The following CEP70 variants were observed in gnomAD, a reference collection of about 807,000 sequenced individuals.
CEP70 encodes the protein centrosomal protein of 70 kDa.
CEP70 carries 70 observed loss-of-function variants against 90.9 expected under a neutral mutation model. The ratio of observed to expected loss-of-function variants is 0.77; its 90% CI spans 0.64 to 0.94. The LOEUF (loss-of-function observed/expected upper bound fraction) is 0.94, where lower values mean the gene tolerates loss of function less well. Ranked by LOEUF, CEP70 falls within the 40% of genes least tolerant of loss-of-function variation. The pLI is 0.00. For missense variants in CEP70, 648 were observed against 669.0 expected, an observed-to-expected ratio of 0.97 and a Z score of 0.35; for synonymous variants, 220 against 228.3, an observed-to-expected ratio of 0.96 and a Z score of 0.33.
At position 138,571,365 on chromosome 3, in the gene CEP70, A is replaced by T; in HGVS notation, c.70-9T>A. The T allele has an allele frequency of 6.4e-7, 1 of 1,560,110 alleles. No homozygotes were observed. The highest frequency in any genetic ancestry group is 8.8e-7 in the Non-Finnish European group (1 of 1,135,392). ...CATTCTGCTTCTTCCTGCTACAATT[A>T]CAGAAAGAGAAGAAAGGGTTAACTT... On this transcript the variant is annotated splice_polypyrimidine_tract_variant and intron_variant, in intron 3 of 17. Coordinates refer to ENST00000264982, the MANE Select transcript of CEP70 (RefSeq NM_024491.4).
At chr3:138,515,886 T>C (rs2035970088) in intron 11 of CEP70, among the ~76,000 whole-genome samples, 3 of 152,144 alleles carry the variant, frequency 2.0e-5, no homozygotes, top group Admixed American at 6.5e-5. Flanking sequence ...CCTATCTCAT[T>C]AGTGGCACTG....
intron 17 of CEP70, chr3:138,496,030 C>A (rs1163733885): frequency 1.0e-6 from 1 of 985,230 alleles, no homozygotes; most frequent in Non-Finnish European, 1.2e-6. Flanking sequence ...TTATTCCAAC[C>A]AGCCTAAGTT....
intron 7 of CEP70, among the ~76,000 whole-genome samples, chr3:138,536,034 TTTTAC>T (rs1330359902): frequency 1.3e-5 from 2 of 152,152 alleles, no homozygotes; most frequent in African/African-American, 4.8e-5. Context: ...TTTAACTTGT[TTTTAC>T]TTTATATCTG....
At chr3:138,498,167 A>G (rs1245685229) in intron 16 of CEP70, 57 bp from the exon 17 acceptor site, 1 of 1,229,298 alleles carries the variant, frequency 8.1e-7, no homozygotes, top group Non-Finnish European at 1.2e-6. Context: ...CTTGCATCTG[A>G]TTGCAAACAG....
chr3:138,511,589 A>T (rs752802895), intron 11 of CEP70, among the ~76,000 whole-genome samples: 8 of 152,240 alleles, frequency 5.3e-5, no homozygotes, highest in Non-Finnish European at 1.0e-4. Flanking sequence ...TAACCTAAAT[A>T]TATAATTGCA....
At chr3:138,571,882 C>T (rs536795634) in intron 3 of CEP70, among the ~76,000 whole-genome samples, 1 of 152,200 alleles carries the variant, frequency 6.6e-6, no homozygotes, top group South Asian at 2.1e-4. Flanking sequence ...AGGTTCACAC[C>T]ATTCTCCTGC....
intron 11 of CEP70, among the ~76,000 whole-genome samples, chr3:138,511,799 A>G (rs945682686): frequency 6.6e-6 from 1 of 152,170 alleles, no homozygotes. Context: ...TTGTTTTTCT[A>G]TTTATATAAG....
intron 6 of CEP70, among the ~76,000 whole-genome samples, chr3:138,551,461 T>A (rs2039605590): frequency 6.6e-6 from 1 of 151,994 alleles, no homozygotes; most frequent in African/African-American, 2.4e-5. Flanking sequence ...ATTAAAAAAA[T>A]CTGGCTGGGT....
rs115264879 is a variant in CEP70 at position 138,540,975 on chromosome 3, A to G, written c.466-3628T>C. On this transcript the variant is annotated intron_variant, in intron 6 of 17. Coordinates refer to ENST00000264982, the MANE Select transcript of CEP70 (RefSeq NM_024491.4). ...GATGGAGCTGAACGGCATTATCCTT[A>G]GCAAACTAATGCAGAACAGAAAACC... 4.3e-3 allele frequency among the ~76,000 whole-genome samples: 652 copies of G among 152,348 alleles called. 4 individuals are homozygous for G. Among genetic ancestry groups the G allele is most frequent in the African/African-American group, 0.015 (628 of 41,580 alleles).
At chr3:138,556,969 T>A (rs1672938) in intron 6 of CEP70, among the ~76,000 whole-genome samples, 89,875 of 151,904 alleles carry the variant, frequency 0.59, 27,141 homozygotes, top group East Asian at 0.94. Flanking sequence ...AAAATTTATT[T>A]GGCGGGAATT....
intron 17 of CEP70, among the ~76,000 whole-genome samples, chr3:138,495,509 C>T (rs2108644476): frequency 6.6e-6 from 1 of 152,272 alleles, no homozygotes. Context: ...GTCTTGTCCT[C>T]TTTAATTTTC....
intron 2 of CEP70, among the ~76,000 whole-genome samples, chr3:138,581,439 C>T (rs914535882): frequency 6.6e-6 from 1 of 151,864 alleles, no homozygotes; most frequent in Non-Finnish European, 1.5e-5. Flanking sequence ...CGCAGTGGCT[C>T]ATGCCTGTAA....
intron 7 of CEP70, among the ~76,000 whole-genome samples, chr3:138,534,935 T>C (rs1244055944): frequency 1.3e-5 from 2 of 152,236 alleles, no homozygotes; most frequent in African/African-American, 4.8e-5. Flanking sequence ...CCCTTTTTTT[T>C]GGTCCTAGTT....
intron 6 of CEP70, among the ~76,000 whole-genome samples, chr3:138,564,012 G>A (rs2040600220): frequency 6.6e-6 from 1 of 151,998 alleles, no homozygotes; most frequent in African/African-American, 2.4e-5. Flanking sequence ...ATGATAAAGG[G>A]GATATCCCCA....
chr3:138,545,564 G>T (rs1055880549), intron 6 of CEP70, among the ~76,000 whole-genome samples: 1 of 152,322 alleles, frequency 6.6e-6, no homozygotes, highest in Non-Finnish European at 1.5e-5. Context: ...AACAAGGAAA[G>T]ACAACCATAA....
intron 8 of CEP70, among the ~76,000 whole-genome samples, chr3:138,531,063 T>A (rs1459368573): frequency 3.9e-5 from 6 of 152,184 alleles, no homozygotes; most frequent in African/African-American, 1.4e-4. Context: ...TCCAAATATC[T>A]GACCCAAGGA....
At chr3:138,513,659 GTTAA>G (rs944035930) in intron 11 of CEP70, among the ~76,000 whole-genome samples, 35 of 152,186 alleles carry the variant, frequency 2.3e-4, no homozygotes, top group Admixed American at 6.5e-4. Flanking sequence ...CAGTTTGACT[GTTAA>G]TTTCACTTTG....
chr3:138,541,432 A>C (rs1302203395), intron 6 of CEP70, among the ~76,000 whole-genome samples: 2 of 129,728 alleles, frequency 1.5e-5, no homozygotes, highest in East Asian at 9.9e-4. Context: ...AAGAAAAAGA[A>C]AAAAAAAAAC....
At chr3:138,568,893 C>T (rs529175413) in intron 6 of CEP70, among the ~76,000 whole-genome samples, 2 of 151,836 alleles carry the variant, frequency 1.3e-5, no homozygotes, top group South Asian at 2.1e-4. Context: ...GCAGGAGAAT[C>T]GCTTCAACCC....
Sources: gnomAD v4.1 joint callset for allele counts (sites outside exome capture counted in the v4.1 genomes callset) on GRCh38, gnomAD v4.1.1 for gene constraint, MANE v1.5 for transcripts, NCBI Gene and HGNC (gene_info 2026-07-23, HGNC 2026-07-21) for gene names.